RDX: variants seen among roughly 807,000 people sequenced by gnomAD.
The protein encoded by RDX is radixin, also known as deafness, autosomal recessive 24.
Under a neutral mutation model 83.7 loss-of-function variants are expected in RDX, and 32 were observed. The observed-to-expected ratio is 0.38, with a 90% CI of 0.29 to 0.51. The LOEUF (loss-of-function observed/expected upper bound fraction) is 0.51. Ranked by LOEUF, RDX falls within the 20% of genes least tolerant of loss-of-function variation. The pLI is 0.87. For synonymous variants in RDX, 229 were observed against 222.7 expected, an observed-to-expected ratio of 1.03 and a Z score of -0.25; for missense variants, 600 against 689.9, an observed-to-expected ratio of 0.87 and a Z score of 1.46.
rs762764289 is a variant in RDX at position 110,258,176 on chromosome 11, G to T, written c.481C>A (p.His161Asn). The T allele has an allele frequency of 6.3e-7, 1 of 1,593,566 alleles. No individual in the cohort carries two copies. The change falls in exon 6 of 14, where the codon CAC (histidine) becomes AAC (asparagine). Residue 161 changes from histidine to asparagine, a missense_variant. Coordinates refer to ENST00000645495, the MANE Select transcript of RDX (RefSeq NM_002906.4). ...TCCCACTGTTCTTTTGTTAGTTTGT[G>T]TTGTTCCAATACACTAAGAGGACCA... ...RLLPQRVLEQ[H>N]KLTKEQWEER...
chr11:110,232,001 A>G lies in RDX; in HGVS notation c.1620T>C (p.Asp540=), dbSNP rs991105397. The G allele has an allele frequency of 1.9e-6, 3 of 1,613,984 alleles. No homozygotes were observed. The highest frequency in any genetic ancestry group is 1.3e-5 in the African/African-American group (1 of 74,932). The change falls in exon 14 of 14, where the codon GAT becomes GAC. Residue 540 remains aspartate, a synonymous_variant. Coordinates refer to ENST00000645495, the MANE Select transcript of RDX (RefSeq NM_002906.4). ...ALSSELAQAR[D]ETKKTQNDVL... is the part of the protein sequence containing the mutation. ...CATCATTTTGTGTTTTCTTGGTTTCATCTCTGGCTTGGGCTAATTCTGAAC... is the reference window on the plus strand; with the variant it reads ...CATCATTTTGTGTTTTCTTGGTTTCGTCTCTGGCTTGGGCTAATTCTGAAC...
intron 15 of RDX, among the ~76,000 whole-genome samples, chr11:110,199,391 A>T (rs1052689423): frequency 6.6e-6 from 1 of 152,178 alleles, no homozygotes; most frequent in Non-Finnish European, 1.5e-5. Flanking sequence ...AAGAACCTGG[A>T]AGGGATGGAA....
intron 10 of RDX, among the ~76,000 whole-genome samples, chr11:110,238,919 T>TG (rs199624379): frequency 0.044 from 5,878 of 134,340 alleles, 415 homozygotes; most frequent in African/African-American, 0.15. Context: ...AGCAAGACTC[T>TG]GTCTCAAAAA....
intron 14 of RDX, among the ~76,000 whole-genome samples, chr11:110,221,548 A>T (rs541591671): frequency 2.0e-5 from 3 of 151,576 alleles, no homozygotes; most frequent in Non-Finnish European, 4.4e-5. Flanking sequence ...CAGTGAGCCA[A>T]GAGTGCACCA....
chr11:110,194,035 C>G (rs563705959), intron 15 of RDX, among the ~76,000 whole-genome samples: 2 of 152,236 alleles, frequency 1.3e-5, no homozygotes, highest in Non-Finnish European at 2.9e-5. Flanking sequence ...TTGAAGGCAG[C>G]GGCCCACGCT....
chr11:110,271,583 A>G (rs1475169603), intron 3 of RDX, among the ~76,000 whole-genome samples: 2 of 152,182 alleles, frequency 1.3e-5, no homozygotes, highest in East Asian at 3.8e-4. Flanking sequence ...ATTTTAAAAT[A>G]CTGATAATTT....
chr11:110,209,646 C>T (rs929151339), intron 14 of RDX, among the ~76,000 whole-genome samples: 36 of 147,370 alleles, frequency 2.4e-4, no homozygotes, highest in Admixed American at 8.7e-4. Context: ...GATCTGAGAA[C>T]GGGCAGACTG....
At chr11:110,254,216 A>T (rs1195318455) in intron 8 of RDX, 107 bp from the exon 9 acceptor site, 1 of 885,912 alleles carries the variant, frequency 1.1e-6, no homozygotes, top group Non-Finnish European at 1.8e-6. Flanking sequence ...GTCATATTAC[A>T]TATAGTTTAG....
intron 10 of RDX, chr11:110,237,865 G>T: frequency 1.6e-6 from 1 of 618,092 alleles, no homozygotes; most frequent in Non-Finnish European, 3.0e-6. Context: ...TCGAACTCAT[G>T]GGCTCGAGCA....
chr11:110,254,192 G>A (rs372548473), intron 8 of RDX, 83 bp from the exon 9 acceptor site: 25 of 1,165,538 alleles, frequency 2.1e-5, no homozygotes, highest in Non-Finnish European at 2.3e-5. Context: ...TTAACATGAG[G>A]TATGAATTTT....
At chr11:110,216,309 A>T (rs3858404) in intron 14 of RDX, among the ~76,000 whole-genome samples, 59,958 of 151,820 alleles carry the variant, frequency 0.39, 12,036 homozygotes, top group East Asian at 0.61. Flanking sequence ...GCAAGGCTGT[A>T]AATTGGTGTC....
In RDX at chr11:110,201,740, T is replaced by G. The variant is rs555686495; in HGVS notation, c.1749-2062A>C. 3.9e-5 allele frequency among the ~76,000 whole-genome samples: 6 copies of G among 152,204 alleles called. No individual in the cohort carries two copies. In the East Asian group the frequency reaches 1.2e-3, roughly 29 times the overall value. On this transcript the variant is annotated intron_variant, in intron 14 of 15. Coordinates refer to the RDX transcript ENST00000528498. ...ATATAATAAGGGACGCAAACCTAGTTGAACTTATTTTTTAAGATGTTGTCT... is the reference window on the plus strand; with the variant it reads ...ATATAATAAGGGACGCAAACCTAGTGGAACTTATTTTTTAAGATGTTGTCT...
chr11:110,215,362 C>CA (rs998888063), intron 14 of RDX, among the ~76,000 whole-genome samples: 4 of 125,806 alleles, frequency 3.2e-5, no homozygotes, highest in South Asian at 2.4e-4. Context: ...GACTCCATCT[C>CA]AAAAAATAAA....
intron 1 of RDX, among the ~76,000 whole-genome samples, chr11:110,286,106 A>G (rs991283422): frequency 1.3e-5 from 2 of 152,180 alleles, no homozygotes; most frequent in Non-Finnish European, 2.9e-5. Context: ...AATTAAACCA[A>G]TTAAATCCTT....
In RDX at chr11:110,233,414, G is replaced by A. The variant is rs577555846; in HGVS notation, c.1410C>T (p.Pro470=). The A allele has an allele frequency of 8.1e-6, 13 of 1,614,026 alleles. No homozygotes were observed. Among genetic ancestry groups the A allele is most frequent in the South Asian group, 3.3e-5 (3 of 91,082 alleles). Residue 470 remains proline, a synonymous_variant, in exon 13 of 14, where the codon CCC becomes CCT. Transcript: ENST00000645495. ...TGACTGGTGGTGGTGGAGGTGGAGG[G>A]GGGGCAGACATCACAGTTTTTAACT... ...KEELKTVMSA[P]PPPPPPPVIP...
At chr11:110,275,809 GC>G (rs1315372405) in intron 2 of RDX, among the ~76,000 whole-genome samples, 1 of 102,408 alleles carries the variant, frequency 9.8e-6, no homozygotes, top group Non-Finnish European at 1.9e-5. Flanking sequence ...TTTTGAGAAA[GC>G]ATCTCACTCT....
chr11:110,253,485 C>G (rs1321208752), intron 9 of RDX, among the ~76,000 whole-genome samples: 1 of 151,794 alleles, frequency 6.6e-6, no homozygotes, highest in African/African-American at 2.4e-5. Flanking sequence ...TTTTTTAAGT[C>G]TAAGAGAAAC....
chr11:110,188,308 TAATAATAA>T (rs1435292697), intron 15 of RDX, among the ~76,000 whole-genome samples: 1 of 52,542 alleles, frequency 1.9e-5, no homozygotes, highest in Non-Finnish European at 5.0e-5. Context: ...ATAATAATAA[TAATAATAA>T]TAATAATAAT....
chr11:110,236,017 C>G, intron 12 of RDX, 82 bp downstream of exon 12: 1 of 967,638 alleles, frequency 1.0e-6, no homozygotes, highest in South Asian at 1.3e-5. Flanking sequence ...ATGACAGTAT[C>G]TTACACTTAT....
Sources: allele counts gnomAD v4.1 joint callset (sites outside exome capture counted in the v4.1 genomes callset), GRCh38; gene constraint gnomAD v4.1.1; transcripts MANE v1.5; gene names NCBI Gene and HGNC (gene_info 2026-07-23, HGNC 2026-07-21).